The following DNAH8 variants were observed in gnomAD, a reference collection of about 807,000 sequenced individuals.
The protein encoded by DNAH8 is dynein axonemal heavy chain 8.
A neutral mutation model predicts 562.1 loss-of-function variants in DNAH8; 382 were observed. The ratio of observed to expected loss-of-function variants is 0.68; its 90% CI spans 0.63 to 0.74. DNAH8 has a LOEUF of 0.74. Ranked by LOEUF, DNAH8 falls within the 30% of genes least tolerant of loss-of-function variation. The pLI, the probability that DNAH8 is intolerant of heterozygous loss-of-function variation, is 0.00. For missense variants in DNAH8, 5,203 were observed against 5,620.4 expected (o/e 0.93, Z 2.37); for synonymous variants, 1,881 against 1,919.4 (o/e 0.98, Z 0.52).
chr6:38,720,857 T>A (rs1321600595), intron 1 of DNAH8, among the ~76,000 whole-genome samples: 1 of 151,354 alleles, frequency 6.6e-6, no homozygotes, highest in Non-Finnish European at 1.5e-5. Flanking sequence ...ACAAAAAAAA[T>A]TCAGAAATTT....
chr6:38,891,647 C>T lies in DNAH8; in HGVS notation c.8583+886C>T, dbSNP rs112628864. On this transcript the variant is annotated intron_variant, in intron 58 of 92. Coordinates refer to ENST00000327475, the MANE Select transcript of DNAH8 (RefSeq NM_001206927.2). ...GCCAACACAGGGCCTTTGCACATGC[C>T]ATTGCACCTCTTTTAAAGAAACTCA... Among the ~76,000 whole-genome samples the T allele has an allele frequency of 6.0e-3, 915 of 152,330 alleles. 7 individuals carry two copies. Among genetic ancestry groups the T allele is most frequent in the African/African-American group, 0.019 (806 of 41,570 alleles).
At chr6:38,718,527 A>T (rs1333002877) in intron 1 of DNAH8, among the ~76,000 whole-genome samples, 3 of 152,226 alleles carry the variant, frequency 2.0e-5, no homozygotes, top group Non-Finnish European at 4.4e-5. Flanking sequence ...TTCCTTAAGG[A>T]AAATCTCTCC....
intron 60 of DNAH8, among the ~76,000 whole-genome samples, chr6:38,897,014 G>A (rs962124949): frequency 2.0e-5 from 3 of 151,764 alleles, no homozygotes; most frequent in African/African-American, 7.3e-5. Flanking sequence ...ACAGGTGCTC[G>A]CTACCATGCC....
chr6:38,938,743 T>A (rs1014024136), intron 78 of DNAH8, 55 bp from the exon 79 acceptor site: 8 of 1,361,494 alleles, frequency 5.9e-6, no homozygotes, highest in African/African-American at 1.5e-5. Flanking sequence ...AACTTGAAAG[T>A]TTTTTAAAAA....
At chr6:38,799,073 C>T (rs1251955904) in intron 21 of DNAH8, among the ~76,000 whole-genome samples, 1 of 152,102 alleles carries the variant, frequency 6.6e-6, no homozygotes. Context: ...GAGGGAGTCC[C>T]ACAACGTAGG....
At chr6:38,978,493 G>C (rs2150705535) in intron 85 of DNAH8, among the ~76,000 whole-genome samples, 1 of 152,310 alleles carries the variant, frequency 6.6e-6, no homozygotes, top group South Asian at 2.1e-4. Flanking sequence ...ATGGTAATAT[G>C]ATACTGGTTT....
chr6:38,783,027 T>G lies in DNAH8; in HGVS notation c.2283T>G (p.Ser761Arg). 1.2e-6 allele frequency: 2 copies of G among 1,613,988 alleles called. No homozygotes were observed. Among genetic ancestry groups the G allele is most frequent in the Non-Finnish European group, 1.7e-6 (2 of 1,179,904 alleles). ...YFFKNSDILS[S>R]PDGKAVIRQY... Reference sequence around the variant, plus strand: ...AGAAAAACTCAGACATTTTATCAAGTCCGGACGGTAAAGCTGTCATCCGTC... The same window carrying G: ...AGAAAAACTCAGACATTTTATCAAGGCCGGACGGTAAAGCTGTCATCCGTC... The change falls in exon 17 of 93, where the codon AGT (serine) becomes AGG (arginine). Residue 761 changes from serine to arginine, a missense_variant. Ser to Arg is a moderately radical substitution (Grantham distance 110). Around this residue, in one of 6 missense-constraint regions of DNAH8, gnomAD observed 2,176 missense variants for 2,365.1 expected, o/e 0.92. Coordinates refer to ENST00000327475, the MANE Select transcript of DNAH8 (RefSeq NM_001206927.2).
At chr6:38,987,226 AGTG>A (rs1253109399) in intron 87 of DNAH8, among the ~76,000 whole-genome samples, 1 of 152,190 alleles carries the variant, frequency 6.6e-6, no homozygotes, top group Non-Finnish European at 1.5e-5. Flanking sequence ...GGGAGGAAGA[AGTG>A]TCGCTGTCTC....
chr6:38,734,718 A>G (rs937788582), intron 5 of DNAH8, 93 bp downstream of exon 5: 13 of 1,347,120 alleles, frequency 9.7e-6, no homozygotes, highest in Non-Finnish European at 1.2e-5. Flanking sequence ...CTTTTTAAAT[A>G]TAGGACTGAA....
intron 83 of DNAH8, 130 bp downstream of exon 83, chr6:38,971,795 T>C: frequency 1.7e-6 from 1 of 594,506 alleles, no homozygotes; most frequent in Non-Finnish European, 2.7e-6. Context: ...CCTGTGAATT[T>C]TAAACCTCAG....
At chr6:38,892,516 A>G (rs913939193) in intron 58 of DNAH8, among the ~76,000 whole-genome samples, 1 of 152,070 alleles carries the variant, frequency 6.6e-6, no homozygotes, top group Non-Finnish European at 1.5e-5. Context: ...CATCGAGTCC[A>G]TCAGTGAATC....
At chr6:38,779,919 T>G in intron 14 of DNAH8, 47 bp from the exon 15 acceptor site, 1 of 1,527,932 alleles carries the variant, frequency 6.5e-7, no homozygotes. Flanking sequence ...AAGTCTTAAG[T>G]ATATTTCTCA....
chr6:38,985,916 G>T (rs563035303), intron 87 of DNAH8, among the ~76,000 whole-genome samples: 1 of 152,192 alleles, frequency 6.6e-6, no homozygotes, highest in African/African-American at 2.4e-5. Flanking sequence ...CAGCGGTGGG[G>T]AGTGAGTACC....
chr6:38,776,437 T>C (rs1582974477), intron 13 of DNAH8, among the ~76,000 whole-genome samples: 1 of 152,114 alleles, frequency 6.6e-6, no homozygotes, highest in African/African-American at 2.4e-5. Context: ...AGGCTGGTCT[T>C]GAACTCCTGA....
chr6:38,918,999 T>C (rs1432030094), intron 70 of DNAH8, among the ~76,000 whole-genome samples: 3 of 151,666 alleles, frequency 2.0e-5, no homozygotes, highest in Non-Finnish European at 4.4e-5. Flanking sequence ...AATAAAAAGT[T>C]TTAACAAAGA....
At chr6:38,923,254 A>C in intron 72 of DNAH8, 69 bp downstream of exon 72, 1 of 1,572,928 alleles carries the variant, frequency 6.4e-7, no homozygotes, top group African/African-American at 1.4e-5. Flanking sequence ...GTCCATTTCC[A>C]TGTGTTCATC....
intron 21 of DNAH8, among the ~76,000 whole-genome samples, 194 bp downstream of exon 21, chr6:38,791,868 A>G (rs1324808081): frequency 1.3e-5 from 2 of 151,906 alleles, no homozygotes; most frequent in East Asian, 3.9e-4. Flanking sequence ...CTAGACTAAC[A>G]TTTTGTTGAT....
intron 82 of DNAH8, among the ~76,000 whole-genome samples, chr6:38,961,764 C>T (rs963502489): frequency 6.6e-6 from 1 of 151,970 alleles, no homozygotes; most frequent in South Asian, 2.1e-4. Flanking sequence ...AGAGACATAT[C>T]CATTAAAGTC....
At chr6:38,781,597 A>C (rs1239214196) in intron 16 of DNAH8, among the ~76,000 whole-genome samples, 3 of 152,202 alleles carry the variant, frequency 2.0e-5, no homozygotes, top group African/African-American at 4.8e-5. Context: ...AAGTCAGTGA[A>C]TCTTATAATT....
Sources: gnomAD v4.1 joint callset for allele counts (sites outside exome capture counted in the v4.1 genomes callset) on GRCh38, gnomAD v4.1.1 for gene constraint, gnomAD v4.1.1 regional missense constraint, MANE v1.5 for transcripts, NCBI Gene and HGNC (gene_info 2026-07-23, HGNC 2026-07-21) for gene names.